The following GLP2R variants were observed in gnomAD, a reference collection of about 807,000 sequenced individuals.
GLP2R encodes the protein glucagon-like peptide 2 receptor.
In GLP2R, 59 loss-of-function variants were observed where a neutral mutation model predicts 68.2. That is an observed-to-expected ratio of 0.87 (90% confidence interval 0.70 to 1.07). The LOEUF (loss-of-function observed/expected upper bound fraction) is 1.07. Ranked by LOEUF, GLP2R falls within the 50% of genes least tolerant of loss-of-function variation. The pLI, the probability that GLP2R is intolerant of heterozygous loss-of-function variation, is 0.00. For missense variants in GLP2R, 548 were observed against 677.4 expected (o/e 0.81, Z 2.12); for synonymous variants, 270 against 265.4 (o/e 1.02, Z -0.17).
chr17:9,859,848 A>AAAT, intron 6 of GLP2R, 94 bp from the exon 7 acceptor site: 3 of 350,234 alleles, frequency 8.6e-6, no homozygotes, highest in Non-Finnish European at 1.0e-5. Context: ...AAAAAAAAAG[A>AAAT]GGGAGAGGTT....
intron 7 of GLP2R, 141 bp from the exon 8 acceptor site, chr17:9,860,998 C>T: frequency 1.5e-6 from 1 of 679,334 alleles, no homozygotes; most frequent in South Asian, 1.9e-5. Flanking sequence ...CCCTGGGTCT[C>T]TCCAGCTCTC....
intron 9 of GLP2R, among the ~76,000 whole-genome samples, chr17:9,864,346 A>T (rs894041393): frequency 6.6e-6 from 1 of 152,178 alleles, no homozygotes; most frequent in African/African-American, 2.4e-5. Flanking sequence ...GATGAACATT[A>T]AAGTTTGTGA....
intron 11 of GLP2R, among the ~76,000 whole-genome samples, chr17:9,884,224 T>C (rs1340475392): frequency 6.6e-6 from 1 of 151,738 alleles, no homozygotes; most frequent in Non-Finnish European, 1.5e-5. Flanking sequence ...AAAATAACTT[T>C]AAAAAATGTA....
At chr17:9,870,680 T>G in intron 9 of GLP2R, 67 bp from the exon 10 acceptor site, 3 of 799,114 alleles carry the variant, frequency 3.8e-6, no homozygotes, top group Non-Finnish European at 6.8e-6. Context: ...GAGCCCAGCC[T>G]GACCTTGAAG....
intron 5 of GLP2R, 96 bp from the exon 6 acceptor site, chr17:9,857,327 G>A: frequency 9.2e-7 from 1 of 1,082,294 alleles, no homozygotes; most frequent in African/African-American, 1.6e-5. Flanking sequence ...ATGACCCTCT[G>A]TCTTTAGTGA....
At chr17:9,887,356 G>A (rs563769710) in intron 11 of GLP2R, among the ~76,000 whole-genome samples, 8 of 152,208 alleles carry the variant, frequency 5.3e-5, no homozygotes, top group South Asian at 2.1e-4. Context: ...GTGAAACCCC[G>A]TCTGTACTAA....
rs983767987 is a variant in GLP2R at position 9,889,930 on chromosome 17, C to A, written c.*225C>A. On this transcript the variant is annotated 3_prime_UTR_variant, in exon 13 of 13. Coordinates refer to ENST00000262441, the MANE Select transcript of GLP2R (RefSeq NM_004246.3). Reference sequence around the variant, plus strand: ...CTCTTCTCATCCTAATAACCCCCACCAGTGTGTTTTCCACAATGCCCACCA... The same window carrying A: ...CTCTTCTCATCCTAATAACCCCCACAAGTGTGTTTTCCACAATGCCCACCA... The A allele has an allele frequency of 9.7e-6, 6 of 615,492 alleles. No individual in the cohort carries two copies. The highest frequency in any genetic ancestry group is 1.8e-5 in the Non-Finnish European group (6 of 330,092). The allele number at this position is 615,492 out of a possible 1,614,324, so 38.1% of individuals were successfully genotyped here.
intron 4 of GLP2R, among the ~76,000 whole-genome samples, chr17:9,852,232 C>G (rs2066898364): frequency 6.6e-6 from 1 of 152,040 alleles, no homozygotes; most frequent in Non-Finnish European, 1.5e-5. Flanking sequence ...GGCCCCAACC[C>G]CCTGACAGGC....
rs3073988 is a variant in GLP2R, at chr17:9,873,556, C to CTTTTTTTTTTTTTTTTTTTTTTTTTTT, written c.1145+2744_1145+2745insTTTTTTTTTTTTTTTTTTTTTTTTTTT. ...GGATATCACAAAAACTATGCATGGA[C>CTTTTTTTTTTTTTTTTTTTTTTTTTTT]TTTTTTTTTTTTTTTTTTTTTTTAG... On this transcript the variant is annotated intron_variant, in intron 10 of 12. Coordinates refer to ENST00000262441, the MANE Select transcript of GLP2R (RefSeq NM_004246.3). Among the ~76,000 whole-genome samples, 22 of 52,060 alleles carry CTTTTTTTTTTTTTTTTTTTTTTTTTTT rather than the reference C, an allele frequency of 4.2e-4. 4 individuals carry two copies. The highest frequency in any genetic ancestry group is 6.8e-4 in the Non-Finnish European group (20 of 29,448). 34.2% of individuals were successfully genotyped at this position (52,060 alleles called of 152,430 possible).
Position 9,854,542 on chromosome 17 carries a change from G to A in GLP2R, c.552G>A (p.Val184=), listed in dbSNP as rs748613789. Residue 184 remains valine (V), a synonymous_variant, in exon 5 of 13, where the codon GTG becomes GTA. Transcript: ENST00000262441. The stretch of plus-strand genomic sequence containing the variant: ...CAACCTTGCAGCTGATGTACACCGT[G>A]GGATACTCCTTCTCTCTTATCTCCC... The part of the protein sequence containing the change: ...LLSTLQLMYT[V]GYSFSLISLF... 1.1e-5 allele frequency: 18 copies of A among 1,612,692 alleles called. No homozygotes were observed. Among genetic ancestry groups the A allele is most frequent in the Non-Finnish European group, 4.2e-6 (5 of 1,178,844 alleles).
In GLP2R at chr17:9,845,614, T is replaced by C. The variant is rs146878998; in HGVS notation, c.504+2998T>C. On this transcript the variant is annotated intron_variant, in intron 4 of 12. Coordinates refer to ENST00000262441, the MANE Select transcript of GLP2R (RefSeq NM_004246.3). ...TATCTTCCCTGGACCCTACAAACACTTCTCTCCCTCCCTGGCCTCTCTGGT... is the reference window on the plus strand; with the variant it reads ...TATCTTCCCTGGACCCTACAAACACCTCTCTCCCTCCCTGGCCTCTCTGGT... Among the ~76,000 whole-genome samples the C allele has an allele frequency of 1.7e-3, 259 of 152,296 alleles. 1 individual carries two copies. The Middle Eastern group carries it at 0.017, about 10-fold the overall frequency.
rs1250416641 is a variant in GLP2R at position 9,838,238 on chromosome 17, T to C, written c.382+1763T>C. On this transcript the variant is annotated intron_variant, in intron 3 of 12. Coordinates refer to ENST00000262441, the MANE Select transcript of GLP2R (RefSeq NM_004246.3). Reference sequence around the variant, plus strand: ...GACCCAGTCCCTCTGTTTTACACTTTGGAGACTTTGGGCAAATTCCCACAG... The same window carrying C: ...GACCCAGTCCCTCTGTTTTACACTTCGGAGACTTTGGGCAAATTCCCACAG... 2.6e-5 allele frequency among the ~76,000 whole-genome samples: 4 copies of C among 152,340 alleles called. No individual in the cohort carries two copies. In the East Asian group the frequency reaches 5.8e-4, roughly 22 times the overall value.
At chr17:9,857,395 G>A (rs745379708) in intron 5 of GLP2R, 28 bp from the exon 6 acceptor site, 10 of 1,611,944 alleles carry the variant, frequency 6.2e-6, no homozygotes, top group Non-Finnish European at 8.5e-6. Flanking sequence ...TTTCCTGAGG[G>A]AAGGCATTTG....
At chr17:9,883,390 CAT>C (rs140465425) in intron 11 of GLP2R, among the ~76,000 whole-genome samples, 31,315 of 152,030 alleles carry the variant, frequency 0.21, 4,224 homozygotes, top group Non-Finnish European at 0.31. Context: ...CTAACATACA[CAT>C]AGGAGAGTCC....
At chr17:9,886,565 C>T (rs1260706624) in intron 11 of GLP2R, among the ~76,000 whole-genome samples, 2 of 152,210 alleles carry the variant, frequency 1.3e-5, no homozygotes, top group African/African-American at 4.8e-5. Flanking sequence ...GAACCTCTGA[C>T]CAGATTGCAT....
In GLP2R at chr17:9,877,801, C is replaced by T. The variant is rs559968615; in HGVS notation, c.1146-2577C>T. 3.1e-3 allele frequency among the ~76,000 whole-genome samples: 457 copies of T among 149,360 alleles called. 1 individual carries two copies. Among genetic ancestry groups the T allele is most frequent in the Non-Finnish European group, 5.0e-3 (338 of 67,526 alleles). On this transcript the variant is annotated intron_variant, in intron 10 of 12. Transcript: ENST00000262441. ...CTGAGGCAGGAGAATGGCATGAACC[C>T]GGAAGGCGGAGGTTGCAGTGAGCCG...
chr17:9,831,947 A>G (rs762373249), intron 1 of GLP2R, among the ~76,000 whole-genome samples: 2 of 152,202 alleles, frequency 1.3e-5, no homozygotes, highest in Non-Finnish European at 2.9e-5. Flanking sequence ...TAGGGATGCC[A>G]AAGACGACAG....
chr17:9,833,790 T>C lies in GLP2R; in HGVS notation c.190-17T>C. On this transcript the variant is annotated splice_polypyrimidine_tract_variant and intron_variant, in intron 1 of 12. Coordinates refer to ENST00000262441, the MANE Select transcript of GLP2R (RefSeq NM_004246.3). ...TGTGCTTGGTCACTGGGGGTGACCATGTTTTTGTTTGCTCAGGTTACAGGA... is the reference window on the plus strand; with the variant it reads ...TGTGCTTGGTCACTGGGGGTGACCACGTTTTTGTTTGCTCAGGTTACAGGA... 2 of 1,558,696 alleles carry C rather than the reference T, an allele frequency of 1.3e-6. No homozygotes were observed. Among genetic ancestry groups the C allele is most frequent in the Non-Finnish European group, 1.8e-6 (2 of 1,134,802 alleles).
At chr17:9,847,056 C>T (rs1442504761) in intron 4 of GLP2R, among the ~76,000 whole-genome samples, 1 of 152,222 alleles carries the variant, frequency 6.6e-6, no homozygotes, top group Admixed American at 6.5e-5. Flanking sequence ...TAATGCCCCC[C>T]ATGGCCAATT....
Sources: gnomAD v4.1 joint callset for allele counts (sites outside exome capture counted in the v4.1 genomes callset) on GRCh38, gnomAD v4.1.1 for gene constraint, MANE v1.5 for transcripts, NCBI Gene and HGNC (gene_info 2026-07-23, HGNC 2026-07-21) for gene names.